The following SYT9 variants were observed in gnomAD, a reference collection of about 807,000 sequenced individuals.
SYT9 encodes the protein synaptotagmin-9.
In SYT9, 22 loss-of-function variants were observed where a neutral mutation model predicts 48.4. The ratio of observed to expected loss-of-function variants is 0.45; its 90% confidence interval spans 0.32 to 0.65. The LOEUF is 0.65. Among genes scored for constraint, SYT9 ranks in the 30% least tolerant of loss-of-function variants. The pLI, the probability that SYT9 is intolerant of heterozygous loss-of-function variation, is 0.03. For synonymous variants in SYT9, 265 were observed against 245.0 expected (o/e 1.08, Z -0.76); for missense variants, 577 against 622.0 (o/e 0.93, Z 0.77).
intron 6 of SYT9, among the ~76,000 whole-genome samples, chr11:7,430,156 AT>A (rs1473321892): frequency 9.2e-5 from 14 of 152,296 alleles, no homozygotes; most frequent in African/African-American, 3.4e-4. Flanking sequence ...TACGTTATCT[AT>A]TTTTATGTAA....
At chr11:7,266,140 T>C (rs1027384669) in intron 1 of SYT9, among the ~76,000 whole-genome samples, 11 of 152,158 alleles carry the variant, frequency 7.2e-5, no homozygotes, top group African/African-American at 2.7e-4. Context: ...ATAGCTGAGC[T>C]AGCTCTGAAG....
At chr11:7,329,319 T>G (rs1387132331) in intron 3 of SYT9, among the ~76,000 whole-genome samples, 2 of 152,208 alleles carry the variant, frequency 1.3e-5, no homozygotes, top group African/African-American at 2.4e-5. Flanking sequence ...ACTTAATAAT[T>G]TCTTGAATTT....
At chr11:7,307,964 G>T (rs913227488) in intron 2 of SYT9, among the ~76,000 whole-genome samples, 2 of 152,232 alleles carry the variant, frequency 1.3e-5, no homozygotes, top group African/African-American at 4.8e-5. Context: ...CCTGATGCCT[G>T]TCTCGTCATT....
intron 3 of SYT9, among the ~76,000 whole-genome samples, chr11:7,397,279 A>T (rs1485984352): frequency 6.6e-6 from 1 of 152,178 alleles, no homozygotes; most frequent in Non-Finnish European, 1.5e-5. Context: ...TTATTAAATT[A>T]TGCAGCACCC....
chr11:7,282,045 G>A (rs965192234), intron 1 of SYT9, among the ~76,000 whole-genome samples: 1 of 152,132 alleles, frequency 6.6e-6, no homozygotes, highest in Non-Finnish European at 1.5e-5. Context: ...GTTGCTAACT[G>A]TTCTTCCTGC....
intron 3 of SYT9, among the ~76,000 whole-genome samples, chr11:7,326,653 C>G (rs534000259): frequency 0.021 from 2,932 of 139,962 alleles, 93 homozygotes; most frequent in African/African-American, 0.073. Flanking sequence ...AGGCATCACA[C>G]TACCTGACTT....
intron 4 of SYT9, among the ~76,000 whole-genome samples, chr11:7,417,648 A>C (rs1847277464): frequency 6.6e-6 from 1 of 152,228 alleles, no homozygotes; most frequent in African/African-American, 2.4e-5. Context: ...TTCTCTTGCT[A>C]TCCTGGCCAG....
intron 6 of SYT9, among the ~76,000 whole-genome samples, chr11:7,460,540 A>G (rs955686423): frequency 9.2e-5 from 14 of 152,302 alleles, no homozygotes; most frequent in African/African-American, 3.4e-4. Flanking sequence ...TAATGCTAAC[A>G]AATAAAATCT....
At chr11:7,347,136 T>G (rs1228168841) in intron 3 of SYT9, among the ~76,000 whole-genome samples, 4 of 152,166 alleles carry the variant, frequency 2.6e-5, no homozygotes, top group Non-Finnish European at 2.9e-5. Context: ...TTGTCTGTCT[T>G]CTCTCTTTGG....
At chr11:7,444,373 C>T (rs1847891755) in intron 6 of SYT9, 1 of 152,220 alleles carries the variant, frequency 6.6e-6, no homozygotes, top group African/African-American at 2.4e-5. Flanking sequence ...GACTTTTCTT[C>T]AATGATCCAG....
At chr11:7,370,479 T>G (rs191160360) in intron 3 of SYT9, among the ~76,000 whole-genome samples, 1 of 152,252 alleles carries the variant, frequency 6.6e-6, no homozygotes, top group African/African-American at 2.4e-5. Context: ...AGTTCCTTTC[T>G]AAGGTGATGG....
chr11:7,335,058 A>C (rs1849611096), intron 3 of SYT9, among the ~76,000 whole-genome samples: 1 of 152,186 alleles, frequency 6.6e-6, no homozygotes, highest in Admixed American at 6.5e-5. Flanking sequence ...TAAACTGTTT[A>C]CCAAAATGAT....
At chr11:7,332,404 A>T (rs1231916587) in intron 3 of SYT9, among the ~76,000 whole-genome samples, 2 of 152,246 alleles carry the variant, frequency 1.3e-5, no homozygotes, top group Non-Finnish European at 2.9e-5. Context: ...GCCAATGCTC[A>T]TAGCCGCTAA....
intron 5 of SYT9, among the ~76,000 whole-genome samples, chr11:7,419,695 G>A (rs573640693): frequency 7.2e-5 from 11 of 152,164 alleles, no homozygotes; most frequent in Non-Finnish European, 7.4e-5. Context: ...TTAGGAGTTC[G>A]AGACCAGCCT....
intron 3 of SYT9, among the ~76,000 whole-genome samples, chr11:7,322,415 A>G (rs977493466): frequency 6.6e-6 from 1 of 152,192 alleles, no homozygotes; most frequent in Admixed American, 6.5e-5. Context: ...AATGTGGGTG[A>G]AGTCTGGATA....
intron 6 of SYT9, among the ~76,000 whole-genome samples, chr11:7,425,502 G>T (rs1235575509): frequency 1.3e-5 from 2 of 152,046 alleles, no homozygotes; most frequent in Non-Finnish European, 2.9e-5. Flanking sequence ...GCAGGGCTTG[G>T]GTCTTGTTGA....
chr11:7,332,750 C>G lies in SYT9; in HGVS notation c.1044+18809C>G, dbSNP rs145422059. Among the ~76,000 whole-genome samples, 483 of 152,278 alleles carry G rather than the reference C, an allele frequency of 3.2e-3. 1 individual carries two copies. The highest frequency in any genetic ancestry group is 0.011 in the African/African-American group (464 of 41,564). ...GGACTTTTGCTGCATCCCCTTCACA[C>G]AGTTAAATTATTCCATGGCTGAACA... is the stretch of plus-strand genomic sequence containing the variant. On this transcript the variant is annotated intron_variant, in intron 3 of 6. Coordinates refer to ENST00000318881, the MANE Select transcript of SYT9 (RefSeq NM_175733.4).
intron 1 of SYT9, among the ~76,000 whole-genome samples, chr11:7,291,142 G>A (rs966055641): frequency 6.6e-6 from 1 of 152,150 alleles, no homozygotes; most frequent in East Asian, 1.9e-4. Flanking sequence ...TCCCTCTAGG[G>A]CCTCCTTTTG....
At position 7,432,596 on chromosome 11, in the gene SYT9, T is replaced by A. The variant is rs1340186059; in HGVS notation, c.1467+11961T>A. On this transcript the variant is annotated intron_variant, in intron 6 of 6. Coordinates refer to ENST00000318881, the MANE Select transcript of SYT9 (RefSeq NM_175733.4). The stretch of plus-strand genomic sequence containing the variant: ...AAAAAAAAAAAAATATATATACATA[T>A]ATATATATATATATATATATATATA... Among the ~76,000 whole-genome samples, 32 of 5,430 alleles carry A rather than the reference T, an allele frequency of 5.9e-3. 6 individuals are homozygous for A. The highest frequency in any genetic ancestry group is 0.024 in the South Asian group (2 of 84). 3.6% of individuals were successfully genotyped at this position (5,430 alleles called of 152,430 possible). A position where few individuals can be genotyped will look rare whatever the true frequency, so the allele number is the denominator to read the frequency against.
Sources: gnomAD v4.1 joint callset for allele counts (sites outside exome capture counted in the v4.1 genomes callset) on GRCh38, gnomAD v4.1.1 for gene constraint, MANE v1.5 for transcripts, NCBI Gene and HGNC (gene_info 2026-07-23, HGNC 2026-07-21) for gene names.